Variants in LRRC40 observed in about 807,000 individuals in gnomAD.
LRRC40 encodes leucine rich repeat containing 40, also known as leucine-rich repeat-containing protein 40.
LRRC40 carries 76 observed loss-of-function variants against 72.8 expected under a neutral mutation model. That is an observed-to-expected ratio of 1.04 (90% CI 0.87 to 1.26). LRRC40 has a LOEUF of 1.26. Ranked by LOEUF, LRRC40 falls within the 50% of genes most tolerant of loss-of-function variation. The probability of loss-of-function intolerance (pLI) is 0.00; values close to 1 mark genes in which losing one functional copy is unlikely to be tolerated. For missense variants in LRRC40, 684 were observed against 698.9 expected (o/e 0.98, Z 0.24); for synonymous variants, 243 against 254.2 (o/e 0.96, Z 0.42).
rs1558119174 is a variant in LRRC40 at position 70,173,697 on chromosome 1, TGAATAGG to T, written c.983_989del (p.Pro328HisfsTer7). The stretch of plus-strand genomic sequence containing the variant: ...AAAATTTCAAATGAAGGTTCCCCAA[TGAATAGG>T]GAAGACTATAAAAGATTAAATTGAT... On this transcript the variant is annotated frameshift_variant, in exon 8 of 15. Coordinates refer to ENST00000370952, the MANE Select transcript of LRRC40 (RefSeq NM_017768.5). LOFTEE classifies it high-confidence loss of function. The T allele has an allele frequency of 6.6e-7, 1 of 1,526,356 alleles. No individual in the cohort carries two copies. The highest frequency in any genetic ancestry group is 1.2e-5 in the South Asian group (1 of 84,490). The allele number at this position is 1,526,356 out of a possible 1,614,324, so 94.6% of individuals were successfully genotyped here.
intron 9 of LRRC40, among the ~76,000 whole-genome samples, chr1:70,165,013 A>G (rs545637030): frequency 6.6e-6 from 1 of 152,306 alleles, no homozygotes; most frequent in African/African-American, 2.4e-5. Flanking sequence ...ACCTCATGAA[A>G]TTGTGATCCT....
rs148277173 is a variant in LRRC40, at chr1:70,178,272, T to C, written c.804+579A>G. Among the ~76,000 whole-genome samples, 503 of 152,314 alleles carry C rather than the reference T, an allele frequency of 3.3e-3. 19 individuals carry two copies. In the East Asian group the frequency reaches 0.083, roughly 25 times the overall value. ...ATTTTATATACTGATTTGCCATTAA[T>C]AGAAACTATAATTATCAGATGGAAA... On this transcript the variant is annotated intron_variant, in intron 6 of 14. Transcript: ENST00000370952.
At chr1:70,204,570 T>C (rs897473511) in intron 1 of LRRC40, among the ~76,000 whole-genome samples, 1 of 152,282 alleles carries the variant, frequency 6.6e-6, no homozygotes, top group East Asian at 1.9e-4. Flanking sequence ...TCAGAAGCAT[T>C]TGCTTGCCTA....
intron 1 of LRRC40, among the ~76,000 whole-genome samples, chr1:70,197,537 C>T (rs1469722411): frequency 6.6e-6 from 1 of 151,652 alleles, no homozygotes; most frequent in Non-Finnish European, 1.5e-5. Flanking sequence ...CCTTGGCCTC[C>T]CAAAGTGCTG....
At chr1:70,200,461 T>TA (rs1046612492) in intron 1 of LRRC40, among the ~76,000 whole-genome samples, 13 of 145,104 alleles carry the variant, frequency 9.0e-5, no homozygotes, top group African/African-American at 1.5e-4. Flanking sequence ...ACCCTACCTC[T>TA]AAAAAAAAAA....
At chr1:70,153,256 G>A (rs1222773933) in intron 11 of LRRC40, among the ~76,000 whole-genome samples, 1 of 151,976 alleles carries the variant, frequency 6.6e-6, no homozygotes, top group Admixed American at 6.6e-5. Flanking sequence ...CAGCTACTCG[G>A]GAGGCTGAAG....
intron 3 of LRRC40, among the ~76,000 whole-genome samples, 198 bp downstream of exon 3, chr1:70,187,067 A>G (rs574412515): frequency 6.6e-6 from 1 of 152,096 alleles, no homozygotes; most frequent in African/African-American, 2.4e-5. Flanking sequence ...AAAATCAGAA[A>G]TGATGGGGGT....
In LRRC40 at chr1:70,189,166, G is replaced by C; in HGVS notation, c.259C>G (p.Leu87Val). 1 of 1,613,798 alleles carries C rather than the reference G, an allele frequency of 6.2e-7. No homozygotes were observed. The highest frequency in any genetic ancestry group is 8.5e-7 in the Non-Finnish European group (1 of 1,179,926). Reference protein sequence around the residue: ...RWWEQTDLTKLIISNNKLQSL... With the variant: ...RWWEQTDLTKVIISNNKLQSL... ...TGAAGTTTATTGTTTGATATTATTA[G>C]TTTGGTCAAATCTGTCTGCTCCCAC... The change falls in exon 2 of 15, where the codon CTA becomes GTA. Residue 87 changes from leucine (L) to valine (V), a missense_variant. Leu to Val is a conservative substitution (Grantham distance 32). Coordinates refer to ENST00000370952, the MANE Select transcript of LRRC40 (RefSeq NM_017768.5).
chr1:70,187,900 AT>A (rs1668403726), intron 2 of LRRC40, among the ~76,000 whole-genome samples: 5 of 151,832 alleles, frequency 3.3e-5, no homozygotes, highest in South Asian at 2.1e-4. Flanking sequence ...AAGAGAAGTC[AT>A]GAAGTGTTAA....
At chr1:70,185,493 C>A (rs1044397944) in intron 3 of LRRC40, among the ~76,000 whole-genome samples, 1 of 152,156 alleles carries the variant, frequency 6.6e-6, no homozygotes, top group Non-Finnish European at 1.5e-5. Context: ...TTTTGCCTCC[C>A]ACCATGATTC....
chr1:70,189,068 C>A, intron 2 of LRRC40, 24 bp downstream of exon 2: 3 of 1,573,944 alleles, frequency 1.9e-6, no homozygotes, highest in South Asian at 1.2e-5. Context: ...ATTAATAATC[C>A]ATATTTATAG....
At chr1:70,176,010 A>T in intron 6 of LRRC40, 28 bp from the exon 7 acceptor site, 1 of 1,410,046 alleles carries the variant, frequency 7.1e-7, no homozygotes, top group Non-Finnish European at 9.5e-7. Flanking sequence ...AGTTATGTGT[A>T]TCTCTGTATT....
At chr1:70,162,221 T>C (rs1467644200) in intron 9 of LRRC40, among the ~76,000 whole-genome samples, 1 of 152,044 alleles carries the variant, frequency 6.6e-6, no homozygotes, top group Non-Finnish European at 1.5e-5. Context: ...TTAGGAAAAC[T>C]ACTAAATGTG....
chr1:70,191,125 A>G (rs1391716170), intron 1 of LRRC40, among the ~76,000 whole-genome samples: 1 of 147,790 alleles, frequency 6.8e-6, no homozygotes, highest in East Asian at 1.9e-4. Flanking sequence ...GTGACTCTTG[A>G]AAAAAAAAAA....
Position 70,175,847 on chromosome 1 carries a change from A to G in LRRC40, c.940T>C (p.Leu314=). 6.3e-7 allele frequency: 1 copy of G among 1,579,008 alleles called. No individual in the cohort carries two copies. Residue 314 remains leucine, a synonymous_variant, in exon 7 of 15, where the codon TTG becomes CTG. Transcript: ENST00000370952. ...VPDEIILLRS[L]ERLDLSNNDI... is the part of the protein sequence containing the mutation. ...TTGTTGCTTAGGTCAAGCCTTTCCA[A>G]GGACCGTAGTAGTATAATTTCATCT...
chr1:70,198,831 G>A (rs1421182869), intron 1 of LRRC40, among the ~76,000 whole-genome samples: 2 of 152,034 alleles, frequency 1.3e-5, no homozygotes, highest in African/African-American at 2.4e-5. Context: ...AAAAACAGGA[G>A]TCAGTACAAT....
intron 9 of LRRC40, among the ~76,000 whole-genome samples, chr1:70,160,902 C>T (rs1366970299): frequency 6.7e-6 from 1 of 150,258 alleles, no homozygotes; most frequent in Non-Finnish European, 1.5e-5. Flanking sequence ...AAGTGCCAAA[C>T]ACAATAAATA....
chr1:70,178,681 A>T lies in LRRC40; in HGVS notation c.804+170T>A, dbSNP rs74085993. Among the ~76,000 whole-genome samples the T allele has an allele frequency of 8.9e-3, 1,361 of 152,292 alleles. 18 individuals carry two copies. Among genetic ancestry groups the T allele is most frequent in the African/African-American group, 0.029 (1,199 of 41,560 alleles). On this transcript the variant is annotated intron_variant, in intron 6 of 14. Transcript: ENST00000370952. ...TAAAAAATGTATTACTAAAAATACC[A>T]TTAATGTAAGTAATCATATTAAAAT...
At chr1:70,156,057 T>TC in intron 10 of LRRC40, among the ~76,000 whole-genome samples, 1 of 152,104 alleles carries the variant, frequency 6.6e-6, no homozygotes, top group Non-Finnish European at 1.5e-5. Flanking sequence ...AAAATAGATA[T>TC]TTATCTTTGG....
Sources: gnomAD v4.1 joint callset for allele counts (sites outside exome capture counted in the v4.1 genomes callset) on GRCh38, gnomAD v4.1.1 for gene constraint, MANE v1.5 for transcripts, NCBI Gene and HGNC (gene_info 2026-07-23, HGNC 2026-07-21) for gene names.